DGKH: variants seen among roughly 807,000 people sequenced by gnomAD.
DGKH encodes the protein DAG kinase eta.
A neutral mutation model predicts 159.3 loss-of-function variants in DGKH; 90 were observed. The observed-to-expected ratio is 0.57, with a 90% CI of 0.48 to 0.67. The LOEUF (loss-of-function observed/expected upper bound fraction) is 0.67. DGKH is among the 30% of genes least tolerant of loss of function. The pLI, the probability that DGKH is intolerant of heterozygous loss-of-function variation, is 0.00. For synonymous variants in DGKH, 536 were observed against 553.8 expected (o/e 0.97, Z 0.45); for missense variants, 1,181 against 1,506.1 (o/e 0.78, Z 3.57).
At chr13:42,246,206 A>G (rs2138334332), downstream of DGKH, among the ~76,000 whole-genome samples, 1 of 152,240 alleles carries the variant, frequency 6.6e-6, no homozygotes, top group Middle Eastern at 3.4e-3. Flanking sequence ...ACGTTCACAA[A>G]ATGTAACAAT....
intron 1 of DGKH, among the ~76,000 whole-genome samples, chr13:42,076,550 T>C (rs544538190): frequency 2.0e-5 from 3 of 152,270 alleles, no homozygotes; most frequent in East Asian, 3.9e-4. Context: ...CTCTTTTTTA[T>C]TGCCCATTTT....
intron 14 of DGKH, among the ~76,000 whole-genome samples, chr13:42,188,663 G>GA (rs1187604118): frequency 6.6e-6 from 1 of 152,066 alleles, no homozygotes. Flanking sequence ...GTTATTTTGA[G>GA]AAAAATAGCT....
chr13:42,131,531 T>G (rs1475047819), intron 3 of DGKH, among the ~76,000 whole-genome samples: 2 of 152,174 alleles, frequency 1.3e-5, no homozygotes, highest in African/African-American at 4.8e-5. Flanking sequence ...AAGGATAAGG[T>G]TATTTGCTGT....
At chr13:42,112,305 T>G (rs1954878720) in intron 1 of DGKH, among the ~76,000 whole-genome samples, 1 of 127,532 alleles carries the variant, frequency 7.8e-6, no homozygotes, top group African/African-American at 2.8e-5. Flanking sequence ...TTTTTTTGAC[T>G]TAGTCTCGTT....
chr13:42,222,144 G>A (rs1957991885), intron 29 of DGKH, among the ~76,000 whole-genome samples: 1 of 152,112 alleles, frequency 6.6e-6, no homozygotes, highest in South Asian at 2.1e-4. Context: ...GCTGAAGTAG[G>A]CTCTCTGGCC....
At position 42,190,499 on chromosome 13, in the gene DGKH, A is replaced by G; in HGVS notation, c.2009A>G (p.Asp670Gly). 6 of 1,604,158 alleles carry G rather than the reference A, an allele frequency of 3.7e-6. No homozygotes were observed. The highest frequency in any genetic ancestry group is 5.1e-6 in the Non-Finnish European group (6 of 1,176,586). The change falls in exon 16 of 30, where the codon GAT (aspartate) becomes GGT (glycine). Residue 670 changes from aspartate (D) to glycine (G), a missense_variant. Coordinates refer to ENST00000337343, the MANE Select transcript of DGKH (RefSeq NM_178009.5). ...ETDESKEEAK[D>G]DGAKESITVK... ...GATGAATCTAAGGAGGAAGCTAAAGATGATGGTGCCAAAGAATCAATAACT... is the reference window on the plus strand; with the variant it reads ...GATGAATCTAAGGAGGAAGCTAAAGGTGATGGTGCCAAAGAATCAATAACT...
chr13:42,171,904 A>C (rs1956467730), intron 11 of DGKH, among the ~76,000 whole-genome samples: 1 of 138,798 alleles, frequency 7.2e-6, no homozygotes. Flanking sequence ...ATCTTGCCTC[A>C]CTGCAAGCTC....
chr13:42,211,911 C>A (rs1957667597), intron 24 of DGKH, among the ~76,000 whole-genome samples: 1 of 152,066 alleles, frequency 6.6e-6, no homozygotes, highest in Non-Finnish European at 1.5e-5. Context: ...AAAACTCACC[C>A]CCATGATTCA....
downstream of DGKH, among the ~76,000 whole-genome samples, chr13:42,247,871 C>G (rs1374748168): frequency 2.0e-5 from 3 of 151,826 alleles, no homozygotes; most frequent in Non-Finnish European, 1.5e-5. Context: ...TTTTGTATAA[C>G]TATATGTTTG....
chr13:42,133,196 A>G (rs1390213526), intron 3 of DGKH, among the ~76,000 whole-genome samples: 2 of 149,676 alleles, frequency 1.3e-5, no homozygotes, highest in African/African-American at 2.5e-5. Flanking sequence ...TTTTTTTTTT[A>G]CTATTTATTT....
intron 17 of DGKH, among the ~76,000 whole-genome samples, chr13:42,197,578 A>AC: frequency 6.6e-6 from 1 of 152,262 alleles, no homozygotes; most frequent in African/African-American, 2.4e-5. Context: ...GCATGGTGGC[A>AC]CATGCCCTGT....
At chr13:42,256,029 G>A (rs961595409) in intron 30 of DGKH, 15 of 1,516,960 alleles carry the variant, frequency 9.9e-6, no homozygotes, top group South Asian at 3.4e-5. Context: ...AATAATATTC[G>A]TTTTCTGGGT....
intron 3 of DGKH, among the ~76,000 whole-genome samples, chr13:42,139,393 A>C (rs1406289771): frequency 6.6e-6 from 1 of 152,232 alleles, no homozygotes. Flanking sequence ...GATCAGTTTC[A>C]TCAAAGGGTC....
intron 13 of DGKH, among the ~76,000 whole-genome samples, 160 bp from the exon 14 acceptor site, chr13:42,186,889 T>C (rs189450734): frequency 2.6e-5 from 4 of 152,378 alleles, no homozygotes; most frequent in African/African-American, 9.6e-5. Context: ...CTTGGACTTA[T>C]GTGAGACAAA....
At chr13:42,048,638 G>C (rs2137632486), upstream of DGKH, 2 of 1,118,050 alleles carry the variant, frequency 1.8e-6, no homozygotes, top group Non-Finnish European at 2.2e-6. This position sits in a 1 kb window ranked among gnomAD's most constrained non-coding sequence, Gnocchi z 6.7. Context: ...TTACCTCGCG[G>C]GGGTAGCTAG....
intron 13 of DGKH, among the ~76,000 whole-genome samples, chr13:42,182,232 T>G (rs1956784728): frequency 6.6e-6 from 1 of 152,250 alleles, no homozygotes; most frequent in African/African-American, 2.4e-5. Flanking sequence ...CTCTAAATTT[T>G]ATTTTTATGG....
intron 1 of DGKH, among the ~76,000 whole-genome samples, chr13:42,063,562 G>GA (rs371801057): frequency 2.0e-5 from 3 of 152,166 alleles, no homozygotes; most frequent in African/African-American, 7.2e-5. Flanking sequence ...CGAGAGGAGG[G>GA]AAAAAATGAA....
downstream of DGKH, among the ~76,000 whole-genome samples, chr13:42,243,146 T>A (rs1958546211): frequency 6.6e-6 from 1 of 152,192 alleles, no homozygotes; most frequent in African/African-American, 2.4e-5. Context: ...TACAGATCCC[T>A]CATGTTTCCC....
At chr13:42,126,806 A>G (rs1955179780) in intron 1 of DGKH, among the ~76,000 whole-genome samples, 1 of 152,162 alleles carries the variant, frequency 6.6e-6, no homozygotes, top group Admixed American at 6.5e-5. Context: ...TTGTCTGGGA[A>G]CATTGCTTTG....
Sources: allele counts gnomAD v4.1 joint callset (sites outside exome capture counted in the v4.1 genomes callset), GRCh38; gene constraint gnomAD v4.1.1; non-coding constraint Gnocchi (gnomAD v3.1); transcripts MANE v1.5; gene names NCBI Gene and HGNC (gene_info 2026-07-23, HGNC 2026-07-21).